Variants in CRYBG2 observed in about 807,000 individuals in gnomAD.
The protein encoded by CRYBG2 is crystallin beta-gamma domain containing 2, also known as beta/gamma crystallin domain-containing protein 2.
In CRYBG2, 106 loss-of-function variants were observed where a neutral mutation model predicts 153.4. The ratio of observed to expected loss-of-function variants is 0.69; its 90% CI spans 0.59 to 0.81. The LOEUF (loss-of-function observed/expected upper bound fraction) is 0.81. CRYBG2 is among the 30% of genes least tolerant of loss of function. The probability of loss-of-function intolerance (pLI) is 0.00; values close to 1 mark genes in which losing one functional copy is unlikely to be tolerated. For missense variants in CRYBG2, 1,996 were observed against 2,112.0 expected (o/e 0.95, Z 1.08); for synonymous variants, 851 against 877.8 (o/e 0.97, Z 0.54).
At position 26,338,262 on chromosome 1, in the gene CRYBG2, C is replaced by T. The variant is rs1386032552; in HGVS notation, c.3471+89G>A. 7.2e-6 allele frequency: 11 copies of T among 1,520,266 alleles called. No individual in the cohort carries two copies. In the South Asian group the frequency reaches 1.3e-4, roughly 18 times the overall value. The allele number at this position is 1,520,266 out of a possible 1,614,324, so 94.2% of individuals were successfully genotyped here. A position where few individuals can be genotyped will look rare whatever the true frequency, so the allele number is the denominator to read the frequency against. ...GGGTGCTGTTTTACACTTCATCCCC[C>T]ATCCCTTCCCACAGACTGCAGGACC... On this transcript the variant is annotated intron_variant, in intron 7 of 19. Transcript: ENST00000308182.
chr1:26,345,504 G>T lies in CRYBG2; in HGVS notation c.1154C>A (p.Pro385His). The change falls in exon 2 of 20, where the codon CCC becomes CAC. Residue 385 changes from proline to histidine, a missense_variant. Physicochemically the swap from Pro to His is moderately conservative, Grantham distance 77 (BLOSUM62 -2). Transcript: ENST00000308182. The part of the protein sequence containing the change: ...VPTHPGARLT[P>H]LVLPPKKKDG... ...CTTTTTTTTAGGGGGCAGAACAAGG[G>T]GAGTGAGCCGGGCCCCGGGGTGAGT... 15 of 1,594,236 alleles carry T rather than the reference G, an allele frequency of 9.4e-6. No homozygotes were observed. The highest frequency in any genetic ancestry group is 1.3e-5 in the Non-Finnish European group (15 of 1,169,026).
Position 26,336,958 on chromosome 1 carries a change from A to G in CRYBG2, c.3794T>C (p.Val1265Ala), listed in dbSNP as rs2074067931. ...CTCGAAGTCCATGGCCTCAAATAGCACGACGGCCGGGTCCCCGAAGTCCTG... is the reference window on the plus strand; with the variant it reads ...CTCGAAGTCCATGGCCTCAAATAGCGCGACGGCCGGGTCCCCGAAGTCCTG... ...IRTDFGDPAV[V>A]LFEAMDFEGH... is the part of the protein sequence containing the mutation. Residue 1265 changes from valine to alanine, a missense_variant, in exon 11 of 20, where the codon GTG becomes GCG. Physicochemically the swap from Val to Ala is moderately conservative, Grantham distance 64 (BLOSUM62 0). Transcript: ENST00000308182. This position sits in a 1 kb window ranked among gnomAD's most constrained non-coding sequence, Gnocchi z 4.9. The G allele has an allele frequency of 1.2e-6, 2 of 1,613,540 alleles. No individual in the cohort carries two copies. Among genetic ancestry groups the G allele is most frequent in the South Asian group, 2.2e-5 (2 of 90,966 alleles).
Position 26,336,471 on chromosome 1 carries a change from C to G in CRYBG2, c.4039-101G>C. 1 of 1,552,684 alleles carries G rather than the reference C, an allele frequency of 6.4e-7. No homozygotes were observed. The highest frequency in any genetic ancestry group is 8.7e-7 in the Non-Finnish European group (1 of 1,147,382). On this transcript the variant is annotated intron_variant, in intron 12 of 19. Transcript: ENST00000308182. This position sits in a 1 kb window ranked among gnomAD's most constrained non-coding sequence, Gnocchi z 4.9. Reference sequence around the variant, plus strand: ...TCCACCCCGCGGCCGCGCCCTCGGCCCCGCCCCCTTCTAAGGCCCCGCCCC... The same window carrying G: ...TCCACCCCGCGGCCGCGCCCTCGGCGCCGCCCCCTTCTAAGGCCCCGCCCC...
intron 14 of CRYBG2, among the ~76,000 whole-genome samples, chr1:26,334,657 G>A (rs1157236257): frequency 6.6e-6 from 1 of 152,150 alleles, no homozygotes; most frequent in Non-Finnish European, 1.5e-5. Flanking sequence ...AGGCACGGTG[G>A]CTCATGCCTG....
At chr1:26,347,458 T>C (rs1477024804) in intron 1 of CRYBG2, among the ~76,000 whole-genome samples, 1 of 150,936 alleles carries the variant, frequency 6.6e-6, no homozygotes, top group Non-Finnish European at 1.5e-5. Context: ...CACACCCAGC[T>C]AGTTTTTATT....
At chr1:26,337,961 C>T in intron 8 of CRYBG2, 51 bp downstream of exon 8, 1 of 1,598,734 alleles carries the variant, frequency 6.3e-7, no homozygotes, top group Non-Finnish European at 8.5e-7. Flanking sequence ...AACCAAACAC[C>T]TGCACCCCGC....
rs1167556727 is a variant in CRYBG2, at chr1:26,336,762, G to A, written c.3912-30C>T. 4 of 1,573,690 alleles carry A rather than the reference G, an allele frequency of 2.5e-6. No individual in the cohort carries two copies. Among genetic ancestry groups the A allele is most frequent in the Non-Finnish European group, 3.4e-6 (4 of 1,159,656 alleles). The stretch of plus-strand genomic sequence containing the variant: ...AGGAAGGGCGGGGCGCGAGTCAGCT[G>A]GGACGGAGCCTGCACCTCTCCTGGA... On this transcript the variant is annotated intron_variant, in intron 11 of 19. Coordinates refer to ENST00000308182, the MANE Select transcript of CRYBG2 (RefSeq NM_001039775.4). This position sits in a 1 kb window ranked among gnomAD's most constrained non-coding sequence, Gnocchi z 4.9.
chr1:26,353,533 G>A (rs577099041), intron 1 of CRYBG2, among the ~76,000 whole-genome samples: 3 of 152,294 alleles, frequency 2.0e-5, no homozygotes, highest in African/African-American at 7.2e-5. Context: ...TCACTGAGAC[G>A]TAATTAATAA....
Position 26,337,527 on chromosome 1 carries a change from T to C in CRYBG2, c.3644+11A>G. The C allele has an allele frequency of 6.2e-7, 1 of 1,611,468 alleles. No homozygotes were observed. The highest frequency in any genetic ancestry group is 8.5e-7 in the Non-Finnish European group (1 of 1,179,848). On this transcript the variant is annotated intron_variant, in intron 9 of 19. Transcript: ENST00000308182. ...GGTGATGAAATAGAAGGAAGGGTCCTGAGTTCTCACCAGCCTCCGAGAACT... is the reference window on the plus strand; with the variant it reads ...GGTGATGAAATAGAAGGAAGGGTCCCGAGTTCTCACCAGCCTCCGAGAACT...
At position 26,343,102 on chromosome 1, in the gene CRYBG2, T is replaced by G; in HGVS notation, c.3019A>C (p.Ile1007Leu). Reference protein sequence around the residue: ...QGSGREVWGDIVDASGWAPVA... With the variant: ...QGSGREVWGDLVDASGWAPVA... Reference sequence around the variant, plus strand: ...GGGGCCCAGCCTGAGGCATCAACGATGTCTCCCCAGACCTCCCTGCCACTG... The same window carrying G: ...GGGGCCCAGCCTGAGGCATCAACGAGGTCTCCCCAGACCTCCCTGCCACTG... Residue 1007 changes from isoleucine to leucine, a missense_variant, in exon 4 of 20, where the codon ATC (isoleucine) becomes CTC (leucine). By Grantham distance (5) the Ile-to-Leu change is conservative (BLOSUM62 2). Coordinates refer to ENST00000308182, the MANE Select transcript of CRYBG2 (RefSeq NM_001039775.4). This position sits in a 1 kb window ranked among gnomAD's most constrained non-coding sequence, Gnocchi z 4.1. 6.4e-7 allele frequency: 1 copy of G among 1,550,402 alleles called. No individual in the cohort carries two copies. The highest frequency in any genetic ancestry group is 8.7e-7 in the Non-Finnish European group (1 of 1,146,960).
chr1:26,325,610 T>TACAC lies in CRYBG2; in HGVS notation c.4579-1304_4579-1301dup, dbSNP rs56092779. On this transcript the variant is annotated intron_variant, in intron 17 of 19. Transcript: ENST00000308182. The surrounding 1 kb of genome is among the most constrained non-coding windows in gnomAD (Gnocchi z 4.1). ...AAAAAAATGAATGCACTCCCACAGATACACACACACACACACACACACACA... is the reference window on the plus strand; with the variant it reads ...AAAAAAATGAATGCACTCCCACAGATACACACACACACACACACACACACACACA... 0.15 allele frequency among the ~76,000 whole-genome samples: 21,897 copies of TACAC among 148,918 alleles called. 1,631 individuals are homozygous for TACAC. The highest frequency in any genetic ancestry group is 0.19 in the Middle Eastern group (55 of 290).
Position 26,339,303 on chromosome 1 carries a change from C to T in CRYBG2, c.3331G>A (p.Val1111Ile), listed in dbSNP as rs375184181. The change falls in exon 6 of 20, where the codon GTC becomes ATC. Residue 1111 changes from valine to isoleucine, a missense_variant. Coordinates refer to ENST00000308182, the MANE Select transcript of CRYBG2 (RefSeq NM_001039775.4). ...EKPLQVASAT[V>I]SAGLWLLYPK... is the part of the protein sequence containing the mutation. ...GACCAGACTCACAGTCCTGCAGAGA[C>T]GGTGGCAGATGCCACCTGCAGGGGC... The T allele has an allele frequency of 9.8e-5, 158 of 1,613,930 alleles. 1 individual carries two copies. The highest frequency in any genetic ancestry group is 6.6e-4 in the South Asian group (60 of 91,044).
At chr1:26,328,705 C>G in intron 16 of CRYBG2, 29 bp downstream of exon 16, 1 of 1,600,008 alleles carries the variant, frequency 6.2e-7, no homozygotes, top group Non-Finnish European at 8.5e-7. Flanking sequence ...CCAGCAGCCA[C>G]CGCACCCATG....
chr1:26,331,219 A>G (rs2073993128), intron 15 of CRYBG2, among the ~76,000 whole-genome samples: 1 of 152,158 alleles, frequency 6.6e-6, no homozygotes, highest in South Asian at 2.1e-4. Context: ...ACCACTCTGC[A>G]TGTAATCTTT....
intron 16 of CRYBG2, 21 bp from the exon 17 acceptor site, chr1:26,328,353 G>A (rs372133577): frequency 3.2e-6 from 5 of 1,561,950 alleles, no homozygotes; most frequent in Admixed American, 3.8e-5. Context: ...CAGGTGTCAG[G>A]GACACAGAGA....
intron 5 of CRYBG2, among the ~76,000 whole-genome samples, chr1:26,341,899 T>G (rs1342265135): frequency 2.0e-5 from 3 of 152,156 alleles, no homozygotes; most frequent in African/African-American, 7.2e-5. Flanking sequence ...GGATCCCTCT[T>G]TTTTCCACCT....
At chr1:26,348,232 G>C (rs2074248433) in intron 1 of CRYBG2, among the ~76,000 whole-genome samples, 1 of 152,162 alleles carries the variant, frequency 6.6e-6, no homozygotes, top group Non-Finnish European at 1.5e-5. Context: ...AGAGCACAGG[G>C]GCAGGTCTGT....
intron 1 of CRYBG2, among the ~76,000 whole-genome samples, chr1:26,353,453 C>T (rs935446135): frequency 2.0e-5 from 3 of 152,154 alleles, no homozygotes; most frequent in Non-Finnish European, 4.4e-5. Flanking sequence ...ACAAATAAAA[C>T]TAGGCTTGGG....
chr1:26,333,114 G>C (rs1013762829), intron 14 of CRYBG2, among the ~76,000 whole-genome samples: 1 of 146,554 alleles, frequency 6.8e-6, no homozygotes, highest in Non-Finnish European at 1.5e-5. Flanking sequence ...TGTTGGCTTT[G>C]GAACTGTTAT....
Sources: gnomAD v4.1 joint callset for allele counts (sites outside exome capture counted in the v4.1 genomes callset) on GRCh38, gnomAD v4.1.1 for gene constraint, Gnocchi (gnomAD v3.1) non-coding constraint, MANE v1.5 for transcripts, NCBI Gene and HGNC (gene_info 2026-07-23, HGNC 2026-07-21) for gene names.